CBR4: variants seen among roughly 807,000 people sequenced by gnomAD.
The protein encoded by CBR4 is 3-oxoacyl-[acyl-carrier-protein] reductase.
Under a neutral mutation model 21.0 loss-of-function variants are expected in CBR4, and 22 were observed. The observed-to-expected ratio is 1.05, with a 90% CI of 0.75 to 1.50. The LOEUF is 1.50. CBR4 is among the 40% of genes most tolerant of loss of function. The pLI is 0.00. For missense variants in CBR4, 302 were observed against 286.3 expected, an observed-to-expected ratio of 1.05 and a Z score of -0.40; for synonymous variants, 100 against 104.4, an observed-to-expected ratio of 0.96 and a Z score of 0.26.
downstream of CBR4, among the ~76,000 whole-genome samples, chr4:168,985,365 G>A (rs955122351): frequency 6.6e-6 from 1 of 152,090 alleles, no homozygotes; most frequent in African/African-American, 2.4e-5. Flanking sequence ...ACTCAGATTG[G>A]CTATTATTAA....
chr4:168,975,382 T>C lies in CBR4; in HGVS notation n.169+26689A>G, dbSNP rs113931315. Among the ~76,000 whole-genome samples, 146 of 152,328 alleles carry C rather than the reference T, an allele frequency of 9.6e-4. 1 individual carries two copies. Among genetic ancestry groups the C allele is most frequent in the African/African-American group, 3.4e-3 (141 of 41,566 alleles). Reference sequence around the variant, plus strand: ...CACTGGTTTTCTTGAATGCTGGTTATGTTAGCAGTGAAGTTGTCACAAGGA... The same window carrying C: ...CACTGGTTTTCTTGAATGCTGGTTACGTTAGCAGTGAAGTTGTCACAAGGA... On this transcript the variant is annotated intron_variant and non_coding_transcript_variant, in intron 2 of 3. Transcript: ENST00000509108.
At chr4:168,899,733 A>C (rs1756047884) in intron 2 of CBR4, among the ~76,000 whole-genome samples, 1 of 152,088 alleles carries the variant, frequency 6.6e-6, no homozygotes, top group African/African-American at 2.4e-5. Flanking sequence ...CCTGGCCAAC[A>C]TGGTGAAACC....
At chr4:168,976,841 T>C (rs1182878633) in intron 2 of CBR4, among the ~76,000 whole-genome samples, 2 of 152,242 alleles carry the variant, frequency 1.3e-5, no homozygotes, top group African/African-American at 4.8e-5. Flanking sequence ...AGGCAGGAAC[T>C]GGCTATTTTC....
At chr4:168,902,160 T>A (rs946813845) in intron 2 of CBR4, among the ~76,000 whole-genome samples, 1 of 152,222 alleles carries the variant, frequency 6.6e-6, no homozygotes, top group Non-Finnish European at 1.5e-5. Context: ...TGACAGACAG[T>A]TGAATTTGAA....
intron 2 of CBR4, among the ~76,000 whole-genome samples, chr4:168,937,124 C>A (rs1280038977): frequency 6.6e-6 from 1 of 152,090 alleles, no homozygotes; most frequent in African/African-American, 2.4e-5. Flanking sequence ...CTGCAGAAAC[C>A]CTACAAGCCA....
intron 2 of CBR4, chr4:168,926,283 A>G: frequency 6.5e-7 from 1 of 1,537,252 alleles, no homozygotes; most frequent in Non-Finnish European, 8.7e-7. Context: ...GCTATGCAGC[A>G]CTTTCGGACC....
downstream of CBR4, among the ~76,000 whole-genome samples, chr4:168,984,554 C>T (rs1764632075): frequency 6.6e-6 from 1 of 151,970 alleles, no homozygotes; most frequent in Admixed American, 6.6e-5. Context: ...TACAAAAAAC[C>T]ATTCTAAAAT....
intron 2 of CBR4, chr4:168,898,241 A>G: frequency 1.9e-6 from 1 of 527,424 alleles, no homozygotes; most frequent in Non-Finnish European, 3.4e-6. Flanking sequence ...CAGAGAAAAG[A>G]AGGAAAAAAA....
rs1195654835 is a variant in CBR4, at chr4:168,894,601, T to A, written n.334A>T. 6.2e-7 allele frequency: 1 copy of A among 1,613,246 alleles called. No homozygotes were observed. Among genetic ancestry groups the A allele is most frequent in the Non-Finnish European group, 8.5e-7 (1 of 1,179,478 alleles). ...TAGAGGTTAACATACGAAGAAAGAA[T>A]GGCTCGTCGACTGCTAGGTGCTGAC... On this transcript the variant is annotated non_coding_transcript_exon_variant, in exon 3 of 4. Transcript: ENST00000509108.
chr4:168,898,490 C>T, intron 2 of CBR4: 1 of 1,601,844 alleles, frequency 6.2e-7, no homozygotes, highest in Non-Finnish European at 8.6e-7. Flanking sequence ...TTCCTTGATT[C>T]AGGAATACAA....
intron 2 of CBR4, among the ~76,000 whole-genome samples, chr4:168,954,625 A>G (rs1256219052): frequency 1.3e-5 from 2 of 152,224 alleles, no homozygotes; most frequent in Admixed American, 6.5e-5. Context: ...TGGGAAATTA[A>G]AACATCTGCA....
intron 2 of CBR4, among the ~76,000 whole-genome samples, chr4:168,945,140 C>A (rs12499488): frequency 0.68 from 103,095 of 151,940 alleles, 36,779 homozygotes; most frequent in East Asian, 0.96. Flanking sequence ...CCTAGAAATG[C>A]AAATTCCTGA....
Position 169,009,886 on chromosome 4 carries a change from A to G in CBR4, c.142+62T>C, listed in dbSNP as rs191054037. 6.3e-4 allele frequency: 929 copies of G among 1,477,960 alleles called. 8 individuals carry two copies. In the African/African-American group the frequency reaches 0.011, roughly 18 times the overall value. 91.6% of individuals were successfully genotyped at this position (1,477,960 alleles called of 1,614,324 possible). A position where few individuals can be genotyped will look rare whatever the true frequency, so the allele number is the denominator to read the frequency against. ...GCCAGACCCGCTCTTTTTACAAAGG[A>G]GATTTTCTTTAGGCGCCTGGACCGC... On this transcript the variant is annotated intron_variant, in intron 1 of 4. Transcript: ENST00000306193.
intron 2 of CBR4, among the ~76,000 whole-genome samples, chr4:168,933,725 G>A (rs1763028495): frequency 6.6e-6 from 1 of 152,116 alleles, no homozygotes; most frequent in Non-Finnish European, 1.5e-5. Flanking sequence ...CTTTTTATCA[G>A]CACATGGAAC....
chr4:168,965,514 C>T (rs531482611), intron 2 of CBR4, among the ~76,000 whole-genome samples: 68 of 152,268 alleles, frequency 4.5e-4, no homozygotes, highest in African/African-American at 1.6e-3. Flanking sequence ...TACAAGGCTA[C>T]AGTAACCAAA....
intron 1 of CBR4, 145 bp downstream of exon 1, chr4:169,009,803 C>G: frequency 2.7e-6 from 2 of 734,584 alleles, no homozygotes; most frequent in African/African-American, 1.8e-5. Context: ...CGCATTCTAC[C>G]CTTGGAACGG....
At chr4:168,999,180 A>C (rs1305236408) in intron 4 of CBR4, among the ~76,000 whole-genome samples, 1 of 152,110 alleles carries the variant, frequency 6.6e-6, no homozygotes, top group Non-Finnish European at 1.5e-5. Context: ...ATCGCAGCCT[A>C]ATTTATTATT....
intron 2 of CBR4, among the ~76,000 whole-genome samples, chr4:168,980,295 G>A (rs1764506841): frequency 6.6e-6 from 1 of 152,058 alleles, no homozygotes. Flanking sequence ...GAAGGTACAT[G>A]ACTGCAAATG....
intron 2 of CBR4, among the ~76,000 whole-genome samples, chr4:168,920,130 C>G (rs1761141227): frequency 6.6e-6 from 1 of 152,130 alleles, no homozygotes; most frequent in African/African-American, 2.4e-5. Flanking sequence ...ATGTCCACTC[C>G]CTCTTCCTCC....
Sources: gnomAD v4.1 joint callset for allele counts (sites outside exome capture counted in the v4.1 genomes callset) on GRCh38, gnomAD v4.1.1 for gene constraint, MANE v1.5 for transcripts, NCBI Gene and HGNC (gene_info 2026-07-23, HGNC 2026-07-21) for gene names.